The following ARHGEF25 variants were observed in gnomAD, a reference collection of about 807,000 sequenced individuals.
ARHGEF25 encodes RAC/CDC42 exchange factor.
In ARHGEF25, 42 loss-of-function variants were observed where a neutral mutation model predicts 74.0. The observed-to-expected ratio is 0.57, with a 90% CI of 0.44 to 0.73. ARHGEF25 has a LOEUF of 0.73. Ranked by LOEUF, ARHGEF25 falls within the 30% of genes least tolerant of loss-of-function variation. The pLI, the probability that ARHGEF25 is intolerant of heterozygous loss-of-function variation, is 0.00. For missense variants in ARHGEF25, 645 were observed against 725.5 expected (o/e 0.89, Z 1.27); for synonymous variants, 293 against 278.6 (o/e 1.05, Z -0.51).
chr12:57,614,091 A>G lies in ARHGEF25; in HGVS notation c.628A>G (p.Ile210Val). The change falls in exon 6 of 15, where the codon ATC becomes GTC. Residue 210 changes from isoleucine to valine, a missense_variant. Ile to Val is a conservative substitution (Grantham distance 29). Transcript: ENST00000286494. This position sits in a 1 kb window ranked among gnomAD's most constrained non-coding sequence, Gnocchi z 4.6. ...CCGTGACAGGATTGTGTTTGGGAAT[A>G]TCCAGCAAATCTATGAGTGGCACCG... ...RGRDRIVFGN[I>V]QQIYEWHRDY... 3 of 1,614,092 alleles carry G rather than the reference A, an allele frequency of 1.9e-6. No homozygotes were observed. The highest frequency in any genetic ancestry group is 2.5e-6 in the Non-Finnish European group (3 of 1,180,012).
At position 57,615,491 on chromosome 12, in the gene ARHGEF25, C is replaced by G. The variant is rs926759628; in HGVS notation, c.1039-21C>G. 2.5e-6 allele frequency: 4 copies of G among 1,613,860 alleles called. No homozygotes were observed. The Admixed American group carries it at 6.7e-5, about 27-fold the overall frequency. ...CCTTTTTCTTGTTCTTTTTCCAAGG[C>G]CACTATCCTTTTGGTTTCAGGGCAA... On this transcript the variant is annotated intron_variant, in intron 11 of 14. Transcript: ENST00000286494.
rs766777739 is a variant in ARHGEF25 at position 57,615,535 on chromosome 12, G to A, written c.1062G>A (p.Lys354=). Residue 354 remains lysine, a synonymous_variant, in exon 12 of 15, where the codon AAG becomes AAA. Coordinates refer to ENST00000286494, the MANE Select transcript of ARHGEF25 (RefSeq NM_182947.4). ...GFEGKLTAQG[K]LLGQDTFWVT... is the part of the protein sequence containing the mutation. ...AGGGCAAACTGACTGCTCAGGGGAA[G>A]CTCTTGGGCCAGGACACTTTCTGGG... The A allele has an allele frequency of 1.4e-5, 22 of 1,614,064 alleles. 1 individual carries two copies. Among genetic ancestry groups the A allele is most frequent in the African/African-American group, 2.7e-5 (2 of 74,914 alleles).
intron 1 of ARHGEF25, chr12:57,612,283 T>C: frequency 5.0e-6 from 1 of 200,076 alleles, no homozygotes; most frequent in Non-Finnish European, 1.0e-5. Flanking sequence ...CCTCAAACCT[T>C]TTGCTAAGAA....
chr12:57,611,860 G>C lies in ARHGEF25; in HGVS notation c.-35G>C. ...CCCCCGTGATTCCCCCTGCATGGCC[G>C]GCCCGGGTGGGGGGCGCGGGGGGGC... On this transcript the variant is annotated 5_prime_UTR_variant, in exon 1 of 15. Coordinates refer to ENST00000286494, the MANE Select transcript of ARHGEF25 (RefSeq NM_182947.4). The surrounding 1 kb of genome is among the most constrained non-coding windows in gnomAD (Gnocchi z 4.5). 2 of 1,219,224 alleles carry C rather than the reference G, an allele frequency of 1.6e-6. No individual in the cohort carries two copies. The highest frequency in any genetic ancestry group is 3.0e-5 in the East Asian group (1 of 33,370). The allele number at this position is 1,219,224 out of a possible 1,614,324, so 75.5% of individuals were successfully genotyped here. A position where few individuals can be genotyped will look rare whatever the true frequency, so the allele number is the denominator to read the frequency against.
chr12:57,614,923 G>T lies in ARHGEF25; in HGVS notation c.910-44G>T. On this transcript the variant is annotated intron_variant, in intron 9 of 14. Coordinates refer to ENST00000286494, the MANE Select transcript of ARHGEF25 (RefSeq NM_182947.4). This position sits in a 1 kb window ranked among gnomAD's most constrained non-coding sequence, Gnocchi z 4.6. The stretch of plus-strand genomic sequence containing the variant: ...AGGGGAGGATGTGAGAGCTTCTAAG[G>T]GTGTCCTCGTGACCTCCCTGAGCAT... The T allele has an allele frequency of 6.2e-7, 1 of 1,608,318 alleles. No individual in the cohort carries two copies. Among genetic ancestry groups the T allele is most frequent in the Non-Finnish European group, 8.5e-7 (1 of 1,175,514 alleles).
chr12:57,612,533 G>T (rs1349350404), intron 1 of ARHGEF25: 7 of 217,446 alleles, frequency 3.2e-5, no homozygotes, highest in Non-Finnish European at 5.1e-5. Flanking sequence ...AGTGGCAGAT[G>T]GACCCAGCTC....
At chr12:57,610,232 C>T (rs776423271), upstream of ARHGEF25, 8 of 1,598,660 alleles carry the variant, frequency 5.0e-6, no homozygotes, top group Admixed American at 1.2e-4. Context: ...GCCCCCGGAC[C>T]GCCCCGCCCC....
In ARHGEF25 at chr12:57,616,426, C is replaced by T. The variant is rs951700854; in HGVS notation, c.1563C>T (p.Gly521=). 6.2e-7 allele frequency: 1 copy of T among 1,614,192 alleles called. No individual in the cohort carries two copies. The highest frequency in any genetic ancestry group is 1.3e-5 in the African/African-American group (1 of 75,024). Reference sequence around the variant, plus strand: ...GCAGCACACACACACCCATCAATGGCTCTCTCCCCTCTCTGCTGCTGTCAC... The same window carrying T: ...GCAGCACACACACACCCATCAATGGTTCTCTCCCCTCTCTGCTGCTGTCAC... ...AQGSTHTPIN[G]SLPSLLLSPK... The change falls in exon 14 of 15, where the codon GGC becomes GGT. Residue 521 remains glycine, a synonymous_variant. Transcript: ENST00000286494.
Position 57,616,502 on chromosome 12 carries a change from C to T in ARHGEF25, c.1632+7C>T, listed in dbSNP as rs201185953. On this transcript the variant is annotated splice_region_variant and intron_variant, in intron 14 of 14. Transcript: ENST00000286494. ...CTTGCCACTGGATAAACAGGTATGA[C>T]GAATAGAGCTCCCTCATTGTAGGGA... 6.7e-4 allele frequency: 1,080 copies of T among 1,612,042 alleles called. 15 individuals carry two copies. The South Asian group carries it at 8.7e-3, about 13-fold the overall frequency.
chr12:57,613,149 G>A lies in ARHGEF25; in HGVS notation c.312+5G>A, dbSNP rs1884128391. On this transcript the variant is annotated splice_donor_5th_base_variant and intron_variant, in intron 2 of 14. Transcript: ENST00000286494. ...GGTCAGGCAGGACCATATGAGGTGA[G>A]CAGGGAACGGCACCAAAGCATGTGG... is the stretch of plus-strand genomic sequence containing the variant. 6.2e-7 allele frequency: 1 copy of A among 1,611,416 alleles called. No homozygotes were observed.
chr12:57,614,074 G>A lies in ARHGEF25; in HGVS notation c.611G>A (p.Arg204Lys), dbSNP rs777873296. Residue 204 changes from arginine (R) to lysine (K), a missense_variant, in exon 6 of 15, where the codon AGG (arginine) becomes AAG (lysine). By Grantham distance (26) the Arg-to-Lys change is conservative. Coordinates refer to ENST00000286494, the MANE Select transcript of ARHGEF25 (RefSeq NM_182947.4). The surrounding 1 kb of genome is among the most constrained non-coding windows in gnomAD (Gnocchi z 4.6). ...GVPESLRGRD[R>K]IVFGNIQQIY... ...CCCGAGAGTCTTCGAGGCCGTGACA[G>A]GATTGTGTTTGGGAATATCCAGCAA... 1.9e-6 allele frequency: 3 copies of A among 1,614,168 alleles called. No individual in the cohort carries two copies. Among genetic ancestry groups the A allele is most frequent in the East Asian group, 2.2e-5 (1 of 44,874 alleles).
Position 57,615,571 on chromosome 12 carries a change from T to A in ARHGEF25, c.1098T>A (p.Pro366=). Residue 366 remains proline (P), a synonymous_variant, in exon 12 of 15, where the codon CCT becomes CCA. Coordinates refer to ENST00000286494, the MANE Select transcript of ARHGEF25 (RefSeq NM_182947.4). ...LGQDTFWVTE[P]EAGGLLSSRG... ...AGGACACTTTCTGGGTCACCGAGCC[T>A]GAGGCTGGAGGGCTGCTGTCTTCCC... 3.1e-6 allele frequency: 5 copies of A among 1,614,198 alleles called. No homozygotes were observed. Among genetic ancestry groups the A allele is most frequent in the Non-Finnish European group, 4.2e-6 (5 of 1,180,036 alleles).
upstream of ARHGEF25, chr12:57,610,503 G>A (rs1179231386): frequency 8.1e-6 from 11 of 1,364,060 alleles, no homozygotes; most frequent in South Asian, 1.4e-5. Context: ...ACAGGTAGGA[G>A]AAGGGGAAGG....
At position 57,616,376 on chromosome 12, in the gene ARHGEF25, A is replaced by G; in HGVS notation, c.1513A>G (p.Ile505Val). Residue 505 changes from isoleucine (I) to valine (V), a missense_variant, in exon 14 of 15, where the codon ATT becomes GTT. This residue lies in a region of ARHGEF25 where 262 missense variants were observed against 256.9 expected (regional missense o/e 1.02). Coordinates refer to ENST00000286494, the MANE Select transcript of ARHGEF25 (RefSeq NM_182947.4). Reference sequence around the variant, plus strand: ...GCCTGGAGTGGGGAGCCCTGGAAGAATTCAGCTTGGAGATCAGGCCCAGGG... The same window carrying G: ...GCCTGGAGTGGGGAGCCCTGGAAGAGTTCAGCTTGGAGATCAGGCCCAGGG... ...RGPGVGSPGRIQLGDQAQGST... is the reference protein window; with the variant it reads ...RGPGVGSPGRVQLGDQAQGST... The G allele has an allele frequency of 6.2e-7, 1 of 1,614,078 alleles. No individual in the cohort carries two copies. The highest frequency in any genetic ancestry group is 8.5e-7 in the Non-Finnish European group (1 of 1,179,976).
At chr12:57,612,897 G>C (rs777121084) in intron 1 of ARHGEF25, 33 bp from the exon 2 acceptor site, 1 of 1,603,284 alleles carries the variant, frequency 6.2e-7, no homozygotes, top group Non-Finnish European at 8.5e-7. Context: ...CTGGGGCAAG[G>C]TCTATCACCT....
At chr12:57,615,419 T>C (rs2277322) in intron 11 of ARHGEF25, 93 bp from the exon 12 acceptor site, 578,283 of 1,587,636 alleles carry the variant, frequency 0.36, 110,666 homozygotes, top group East Asian at 0.68. Context: ...GCTGACCCCA[T>C]GGTTGGTTGG....
At chr12:57,615,379 G>A in intron 11 of ARHGEF25, 65 bp downstream of exon 11, 12 of 1,579,088 alleles carry the variant, frequency 7.6e-6, no homozygotes, top group Non-Finnish European at 1.0e-5. Context: ...GCATTCAGGA[G>A]GTCCTTATGG....
At chr12:57,611,294 G>T (rs562357564), upstream of ARHGEF25, 144 of 269,432 alleles carry the variant, frequency 5.3e-4, 1 homozygote, top group African/African-American at 3.2e-3. This position sits in a 1 kb window ranked among gnomAD's most constrained non-coding sequence, Gnocchi z 4.5. Flanking sequence ...CGCTGGGGAC[G>T]TGGAGTGGGA....
In ARHGEF25 at chr12:57,616,433, C is replaced by T; in HGVS notation, c.1570C>T (p.Pro524Ser). Residue 524 changes from proline (P) to serine (S), a missense_variant, in exon 14 of 15, where the codon CCC becomes TCC. By Grantham distance (74) the Pro-to-Ser change is moderately conservative (BLOSUM62 -1). Transcript: ENST00000286494. The part of the protein sequence containing the change: ...STHTPINGSL[P>S]SLLLSPKGEV... The stretch of plus-strand genomic sequence containing the variant: ...ACACACACCCATCAATGGCTCTCTC[C>T]CCTCTCTGCTGCTGTCACCCAAAGG... The T allele has an allele frequency of 6.2e-7, 1 of 1,614,174 alleles. No individual in the cohort carries two copies. The highest frequency in any genetic ancestry group is 8.5e-7 in the Non-Finnish European group (1 of 1,180,032).
Sources: gnomAD v4.1 joint callset for allele counts on GRCh38, gnomAD v4.1.1 for gene constraint, gnomAD v4.1.1 regional missense constraint, Gnocchi (gnomAD v3.1) non-coding constraint, MANE v1.5 for transcripts, NCBI Gene and HGNC (gene_info 2026-07-23, HGNC 2026-07-21) for gene names.